Variants in DCAF1 observed in about 807,000 individuals in gnomAD.
The protein encoded by DCAF1 is DDB1 and CUL4 associated factor 1, also known as DDB1- and CUL4-associated factor 1.
Under a neutral mutation model 128.0 loss-of-function variants are expected in DCAF1, and 15 were observed. The ratio of observed to expected loss-of-function variants is 0.12; its 90% confidence interval spans 0.08 to 0.18. The LOEUF (loss-of-function observed/expected upper bound fraction) is 0.18. Ranked by LOEUF, DCAF1 falls within the 10% of genes least tolerant of loss-of-function variation. DCAF1 has a pLI of 1.00. For synonymous variants in DCAF1, 610 were observed against 603.0 expected, an observed-to-expected ratio of 1.01 and a Z score of -0.17; for missense variants, 988 against 1,649.5, an observed-to-expected ratio of 0.60 and a Z score of 6.95.
chr3:51,412,867 T>C, intron 22 of DCAF1, 126 bp downstream of exon 22: 1 of 1,409,988 alleles, frequency 7.1e-7, no homozygotes, highest in East Asian at 2.5e-5. Context: ...GAATAGGTTA[T>C]CAATAATCTA....
rs1699308511 is a variant in DCAF1, at chr3:51,420,616, T to A, written c.2354A>T (p.Gln785Leu). The change falls in exon 15 of 25, where the codon CAG becomes CTG. Residue 785 changes from glutamine to leucine, a missense_variant. Gln to Leu is a moderately radical substitution (Grantham distance 113, BLOSUM62 -2). This residue lies in a region of DCAF1 where 76 missense variants were observed against 186.9 expected (regional missense o/e 0.41). Transcript: ENST00000684031. The surrounding 1 kb of genome is among the most constrained non-coding windows in gnomAD (Gnocchi z 6.5). ...AGGCTCCTTCATCAGCTGCTGGATCTGGCAGCTGCTGAAAAGGGGCAGTTT... is the reference window on the plus strand; with the variant it reads ...AGGCTCCTTCATCAGCTGCTGGATCAGGCAGCTGCTGAAAAGGGGCAGTTT... ...ISKLPLFSSC[Q>L]IQQLMKEPVL... 6.2e-7 allele frequency: 1 copy of A among 1,613,904 alleles called. No individual in the cohort carries two copies. Among genetic ancestry groups the A allele is most frequent in the Non-Finnish European group, 8.5e-7 (1 of 1,179,882 alleles).
chr3:51,444,985 T>A (rs548272382), intron 6 of DCAF1, among the ~76,000 whole-genome samples: 29 of 152,286 alleles, frequency 1.9e-4, no homozygotes, highest in African/African-American at 7.0e-4. Context: ...CCCAAACTTA[T>A]TTTTAATTAC....
At chr3:51,473,415 A>C (rs1212442244) in intron 3 of DCAF1, among the ~76,000 whole-genome samples, 1 of 135,458 alleles carries the variant, frequency 7.4e-6, no homozygotes, top group African/African-American at 2.8e-5. Flanking sequence ...AGGACACTAT[A>C]CTTTCTAGTC....
At position 51,444,670 on chromosome 3, in the gene DCAF1, G is replaced by T. The variant is rs548630982; in HGVS notation, c.376-767C>A. Among the ~76,000 whole-genome samples, 9 of 134,880 alleles carry T rather than the reference G, an allele frequency of 6.7e-5. No homozygotes were observed. In the South Asian group the frequency reaches 2.2e-3, roughly 32 times the overall value. The allele number at this position is 134,880 out of a possible 152,430, so 88.5% of individuals were successfully genotyped here. A position where few individuals can be genotyped will look rare whatever the true frequency, so the allele number is the denominator to read the frequency against. On this transcript the variant is annotated intron_variant, in intron 6 of 24. Coordinates refer to ENST00000684031, the MANE Select transcript of DCAF1 (RefSeq NM_001387579.1). ...CCTGGCCTCCCAAACTTATTTTATT[G>T]ATTGATTGATTGATTGATTAATTGA...
intron 13 of DCAF1, among the ~76,000 whole-genome samples, chr3:51,423,833 A>AAAAG (rs1169489087): frequency 6.6e-4 from 100 of 151,832 alleles, no homozygotes; most frequent in African/African-American, 2.3e-3. Context: ...AAAAAAAAAA[A>AAAAG]AAAGAAAGAA....
intron 6 of DCAF1, among the ~76,000 whole-genome samples, chr3:51,446,128 G>T (rs543868733): frequency 1.2e-3 from 176 of 151,570 alleles, no homozygotes; most frequent in Middle Eastern, 3.4e-3. Context: ...CGAGTAGCTG[G>T]GATTATAGGT....
intron 24 of DCAF1, among the ~76,000 whole-genome samples, chr3:51,399,953 A>G (rs2089528517): frequency 6.6e-6 from 1 of 152,216 alleles, no homozygotes; most frequent in African/African-American, 2.4e-5. Context: ...ACAAACAGAG[A>G]GCAATCATGT....
intron 23 of DCAF1, among the ~76,000 whole-genome samples, chr3:51,410,323 T>G (rs1161988254): frequency 2.6e-5 from 4 of 152,202 alleles, no homozygotes; most frequent in Non-Finnish European, 4.4e-5. Flanking sequence ...GTCAAAACAG[T>G]GAAGACCAAG....
At chr3:51,439,010 T>C (rs1701109731) in intron 9 of DCAF1, among the ~76,000 whole-genome samples, 1 of 152,260 alleles carries the variant, frequency 6.6e-6, no homozygotes, top group Non-Finnish European at 1.5e-5. Flanking sequence ...TTGTTATTCA[T>C]TCAACTATCT....
chr3:51,407,703 C>A (rs1697993667), intron 23 of DCAF1, among the ~76,000 whole-genome samples: 1 of 152,016 alleles, frequency 6.6e-6, no homozygotes, highest in South Asian at 2.1e-4. Flanking sequence ...AACACAGGCA[C>A]CAGGTTGGGC....
chr3:51,502,263 A>C (rs762255260), upstream of DCAF1, among the ~76,000 whole-genome samples: 1 of 152,124 alleles, frequency 6.6e-6, no homozygotes, highest in Non-Finnish European at 1.5e-5. Context: ...ACCTGGTCAG[A>C]GCACTGTGGC....
intron 13 of DCAF1, among the ~76,000 whole-genome samples, chr3:51,426,215 C>CT (rs535315482): frequency 0.046 from 6,761 of 146,712 alleles, 204 homozygotes; most frequent in Non-Finnish European, 0.069. Flanking sequence ...AATGGGTTCA[C>CT]TTTTTTTTTT....
intron 23 of DCAF1, among the ~76,000 whole-genome samples, chr3:51,409,193 C>A (rs564568388): frequency 8.5e-5 from 13 of 152,208 alleles, no homozygotes; most frequent in Non-Finnish European, 1.8e-4. Context: ...AGTCTTTTCC[C>A]TGACCCAAGC....
chr3:51,401,286 GCT>G (rs2089682482), intron 24 of DCAF1, among the ~76,000 whole-genome samples: 1 of 152,130 alleles, frequency 6.6e-6, no homozygotes, highest in Non-Finnish European at 1.5e-5. Context: ...AGTTTCTATG[GCT>G]TTCACCCTAT....
chr3:51,493,819 A>C (rs1707934644), intron 2 of DCAF1, among the ~76,000 whole-genome samples: 1 of 151,916 alleles, frequency 6.6e-6, no homozygotes, highest in Non-Finnish European at 1.5e-5. Flanking sequence ...AACATGGTGA[A>C]ACCCCCGTCT....
chr3:51,429,587 T>C lies in DCAF1; in HGVS notation c.1468-117A>G. The C allele has an allele frequency of 4.7e-6, 3 of 642,564 alleles. No individual in the cohort carries two copies. The South Asian group carries it at 5.5e-5, about 12-fold the overall frequency. The allele number at this position is 642,564 out of a possible 1,614,324, so 39.8% of individuals were successfully genotyped here. On this transcript the variant is annotated intron_variant, in intron 11 of 24. Transcript: ENST00000684031. ...CTTTTTTTACTTTCCATACATATTC[T>C]GCTTATGTATCAGTAAACTTTTATG...
At chr3:51,437,214 CAT>C in intron 9 of DCAF1, 1 of 330,518 alleles carries the variant, frequency 3.0e-6, no homozygotes, top group South Asian at 2.3e-5. Flanking sequence ...GGTGAGCAAA[CAT>C]AGCACCACTG....
intron 6 of DCAF1, among the ~76,000 whole-genome samples, chr3:51,455,613 A>T (rs1702810628): frequency 6.6e-6 from 1 of 150,706 alleles, no homozygotes; most frequent in Admixed American, 6.6e-5. Context: ...CATCTCAAAA[A>T]AAAGGCTGGG....
At chr3:51,437,540 G>A (rs1700964015) in intron 9 of DCAF1, 1 of 342,022 alleles carries the variant, frequency 2.9e-6, no homozygotes, top group Non-Finnish European at 5.9e-6. Context: ...AGGGGGCTGG[G>A]CACAGTTGCT....
Sources: allele counts gnomAD v4.1 joint callset (sites outside exome capture counted in the v4.1 genomes callset), GRCh38; gene constraint gnomAD v4.1.1; regional missense constraint gnomAD v4.1.1; non-coding constraint Gnocchi (gnomAD v3.1); transcripts MANE v1.5; gene names NCBI Gene and HGNC (gene_info 2026-07-23, HGNC 2026-07-21).